The following WDFY3 variants were observed in gnomAD, a reference collection of about 807,000 sequenced individuals.
WDFY3 encodes WD repeat and FYVE domain-containing protein 3.
In WDFY3, 66 loss-of-function variants were observed where a neutral mutation model predicts 409.6. The ratio of observed to expected loss-of-function variants is 0.16; its 90% CI spans 0.13 to 0.20. The LOEUF (loss-of-function observed/expected upper bound fraction) is 0.20, where lower values mean the gene tolerates loss of function less well. WDFY3 is among the 10% of genes least tolerant of loss of function. The pLI is 1.00. For synonymous variants in WDFY3, 1,521 were observed against 1,537.1 expected (o/e 0.99, Z 0.25); for missense variants, 3,031 against 4,298.1 (o/e 0.71, Z 8.24).
At chr4:84,733,304 T>C (rs1736912576) in intron 44 of WDFY3, 78 bp downstream of exon 44, 2 of 1,477,716 alleles carry the variant, frequency 1.4e-6, no homozygotes, top group South Asian at 2.6e-5. Flanking sequence ...GGTAATTGAC[T>C]AAATAGAGAA....
intron 4 of WDFY3, among the ~76,000 whole-genome samples, chr4:84,852,088 A>G (rs894622538): frequency 6.6e-6 from 1 of 152,204 alleles, no homozygotes; most frequent in Non-Finnish European, 1.5e-5. Context: ...TCTGGCATAC[A>G]CAAGTGGCCA....
intron 2 of WDFY3, among the ~76,000 whole-genome samples, chr4:84,912,688 C>T (rs1767948894): frequency 6.6e-6 from 1 of 151,980 alleles, no homozygotes; most frequent in Non-Finnish European, 1.5e-5. Context: ...AAAAAAATCA[C>T]TGAGGATAAA....
At position 84,682,377 on chromosome 4, in the gene WDFY3, T is replaced by A; in HGVS notation, c.9820A>T (p.Ile3274Leu). ...EMQEDCPEAQ[I>L]GQEAQDEDSS... ...ATTTTTAGAAAGTATTAAATACCTA[T>A]TTGTGCTTCTGGACAGTCTTCCTGC... is the stretch of plus-strand genomic sequence containing the variant. Residue 3274 changes from isoleucine (I) to leucine (L), a missense_variant, in exon 64 of 68, where the codon ATA becomes TTA. Physicochemically the swap from Ile to Leu is conservative, Grantham distance 5 (BLOSUM62 2). Coordinates refer to ENST00000295888, the MANE Select transcript of WDFY3 (RefSeq NM_014991.6). The A allele has an allele frequency of 6.2e-7, 1 of 1,613,112 alleles. No homozygotes were observed. The highest frequency in any genetic ancestry group is 1.1e-5 in the South Asian group (1 of 90,834).
chr4:84,841,304 C>T (rs1261756833), intron 5 of WDFY3, 41 bp from the exon 6 acceptor site: 1 of 1,556,618 alleles, frequency 6.4e-7, no homozygotes, highest in East Asian at 2.3e-5. Context: ...GGGGAAAAGT[C>T]ACATATAAAG....
intron 33 of WDFY3, among the ~76,000 whole-genome samples, 200 bp downstream of exon 33, chr4:84,756,726 T>C (rs918694322): frequency 2.6e-5 from 4 of 152,076 alleles, no homozygotes; most frequent in Admixed American, 6.5e-5. Context: ...AGTTATCATA[T>C]AGGAAAAAAT....
rs768146675 is a variant in WDFY3, at chr4:84,727,797, T to C, written c.7222-886A>G. On this transcript the variant is annotated intron_variant, in intron 44 of 67. Transcript: ENST00000295888. The stretch of plus-strand genomic sequence containing the variant: ...ATGTTTGCTTACCAAGGCAAAACCA[T>C]GGCCCACTAGGCATACTTACAAATA... Among the ~76,000 whole-genome samples the C allele has an allele frequency of 3.3e-5, 5 of 152,338 alleles. No homozygotes were observed. In the South Asian group the frequency reaches 1.0e-3, roughly 32 times the overall value.
At chr4:84,836,508 A>G (rs749660362) in intron 7 of WDFY3, among the ~76,000 whole-genome samples, 2 of 152,090 alleles carry the variant, frequency 1.3e-5, no homozygotes, top group Non-Finnish European at 2.9e-5. Context: ...GGCAGCCACC[A>G]CCAAAGTAAA....
intron 37 of WDFY3, among the ~76,000 whole-genome samples, chr4:84,742,123 G>A (rs555650328): frequency 6.6e-5 from 10 of 152,290 alleles, no homozygotes; most frequent in Non-Finnish European, 1.2e-4. Context: ...AGGATAAAGC[G>A]TTATGGATTG....
intron 7 of WDFY3, among the ~76,000 whole-genome samples, chr4:84,831,822 C>A (rs1426843275): frequency 6.6e-6 from 1 of 151,882 alleles, no homozygotes; most frequent in Non-Finnish European, 1.5e-5. Flanking sequence ...TGGCTATTAT[C>A]AAAGATAAAA....
intron 46 of WDFY3, among the ~76,000 whole-genome samples, chr4:84,723,471 T>C (rs1367997869): frequency 6.6e-6 from 1 of 152,226 alleles, no homozygotes; most frequent in Non-Finnish European, 1.5e-5. Context: ...AATCTTAATT[T>C]ACACTTTAGG....
At chr4:84,811,206 C>T (rs750804123) in intron 13 of WDFY3, among the ~76,000 whole-genome samples, 2 of 152,072 alleles carry the variant, frequency 1.3e-5, no homozygotes, top group African/African-American at 2.4e-5. Flanking sequence ...ACCATATTGG[C>T]CAGGCTAGTC....
intron 67 of WDFY3, 82 bp downstream of exon 67, chr4:84,677,117 A>T: frequency 6.5e-7 from 1 of 1,537,578 alleles, no homozygotes; most frequent in Middle Eastern, 1.7e-4. Flanking sequence ...CGCCAGGGCA[A>T]ATCAGAACCT....
chr4:84,822,717 T>TAAAC (rs544144712), intron 10 of WDFY3, among the ~76,000 whole-genome samples: 72 of 152,040 alleles, frequency 4.7e-4, no homozygotes, highest in South Asian at 2.9e-3. Context: ...GTCTGTAAAA[T>TAAAC]AAACAAACAA....
intron 18 of WDFY3, 31 bp from the exon 19 acceptor site, chr4:84,796,783 G>T: frequency 6.5e-7 from 1 of 1,540,820 alleles, no homozygotes. Context: ...TTGGGAAAAT[G>T]TCATATGGAA....
chr4:84,690,783 T>G, intron 60 of WDFY3, 119 bp from the exon 61 acceptor site: 1 of 1,249,594 alleles, frequency 8.0e-7, no homozygotes, highest in South Asian at 1.6e-5. Context: ...GCGGCTCATG[T>G]TCTGAGCTAG....
At chr4:84,698,514 G>A (rs1730518553) in intron 56 of WDFY3, among the ~76,000 whole-genome samples, 1 of 151,936 alleles carries the variant, frequency 6.6e-6, no homozygotes, top group Admixed American at 6.6e-5. Context: ...CTCAAGTGAT[G>A]CTCCTACCTT....
chr4:84,927,785 G>C (rs1770200002), intron 2 of WDFY3, among the ~76,000 whole-genome samples: 1 of 152,194 alleles, frequency 6.6e-6, no homozygotes, highest in Non-Finnish European at 1.5e-5. Flanking sequence ...GGCCTCCCCA[G>C]CCATGTGGAA....
chr4:84,696,685 A>G (rs1456988652), intron 57 of WDFY3, 47 bp downstream of exon 57: 6 of 1,583,864 alleles, frequency 3.8e-6, no homozygotes, highest in Non-Finnish European at 5.2e-6. Context: ...ATTATGTTCA[A>G]TGACCAAATG....
intron 58 of WDFY3, among the ~76,000 whole-genome samples, chr4:84,694,740 G>C (rs1031515060): frequency 7.2e-5 from 11 of 151,958 alleles, no homozygotes; most frequent in Non-Finnish European, 1.0e-4. Context: ...AGACCAGCCT[G>C]GGCAACATAG....
Sources: allele counts gnomAD v4.1 joint callset (sites outside exome capture counted in the v4.1 genomes callset), GRCh38; gene constraint gnomAD v4.1.1; transcripts MANE v1.5; gene names NCBI Gene and HGNC (gene_info 2026-07-23, HGNC 2026-07-21).